Variants in ARHGAP32 observed in about 807,000 individuals in gnomAD.
The protein encoded by ARHGAP32 is rho GTPase-activating protein 32.
A neutral mutation model predicts 186.5 loss-of-function variants in ARHGAP32; 51 were observed. That is an observed-to-expected ratio of 0.27 (90% CI 0.22 to 0.35). The LOEUF (loss-of-function observed/expected upper bound fraction) is 0.35, where lower values mean the gene tolerates loss of function less well. Among genes scored for constraint, ARHGAP32 ranks in the 10% least tolerant of loss-of-function variants. ARHGAP32 has a pLI of 1.00. For synonymous variants in ARHGAP32, 950 were observed against 964.3 expected (o/e 0.99, Z 0.27); for missense variants, 2,186 against 2,623.5 (o/e 0.83, Z 3.64).
chr11:129,211,839 G>A (rs924678642), intron 1 of ARHGAP32, among the ~76,000 whole-genome samples: 11 of 152,146 alleles, frequency 7.2e-5, no homozygotes, highest in Admixed American at 2.0e-4. Context: ...TCAAGTGAAA[G>A]AAATATCATT....
intron 1 of ARHGAP32, among the ~76,000 whole-genome samples, chr11:129,265,605 T>C (rs981669047): frequency 1.3e-5 from 2 of 152,068 alleles, no homozygotes; most frequent in African/African-American, 2.4e-5. Context: ...TGACCACAAT[T>C]TCTGAGGCCC....
upstream of ARHGAP32, among the ~76,000 whole-genome samples, chr11:129,194,662 C>T (rs1034370036): frequency 1.1e-4 from 17 of 151,828 alleles, no homozygotes; most frequent in Admixed American, 7.9e-4. Context: ...AAAAGAAAGA[C>T]ACGCTTGAAC....
chr11:129,270,492 A>C (rs577993761), intron 1 of ARHGAP32, among the ~76,000 whole-genome samples: 87 of 151,832 alleles, frequency 5.7e-4, no homozygotes, highest in Non-Finnish European at 9.0e-4. Context: ...ACCAAGAGTC[A>C]GTCTTTTTTT....
chr11:129,008,203 T>A lies in ARHGAP32; in HGVS notation c.1046-9735A>T, dbSNP rs371536910. Among the ~76,000 whole-genome samples the A allele has an allele frequency of 8.5e-5, 13 of 152,194 alleles. No individual in the cohort carries two copies. In the East Asian group the frequency reaches 1.5e-3, roughly 18 times the overall value. On this transcript the variant is annotated intron_variant, in intron 11 of 22. Transcript: ENST00000682385. ...CAGGTACTATGAGTGCTCACCTGAT[T>A]TTTGGTTTCTTTGAGGGTATTTTTT... is the stretch of plus-strand genomic sequence containing the variant.
chr11:128,972,291 T>C, intron 22 of ARHGAP32, 162 bp downstream of exon 22: 2 of 683,410 alleles, frequency 2.9e-6, no homozygotes, highest in Non-Finnish European at 4.4e-6. Flanking sequence ...ATCAAGGTAA[T>C]GGCAGACTCC....
At chr11:129,211,198 T>A (rs1482291779) in intron 1 of ARHGAP32, among the ~76,000 whole-genome samples, 1 of 152,170 alleles carries the variant, frequency 6.6e-6, no homozygotes, top group East Asian at 1.9e-4. Flanking sequence ...TGTTTTTAAC[T>A]AACTGTTTTA....
chr11:129,017,705 C>T (rs1352098053), intron 11 of ARHGAP32, among the ~76,000 whole-genome samples: 1 of 152,034 alleles, frequency 6.6e-6, no homozygotes, highest in Non-Finnish European at 1.5e-5. Context: ...TGATTCTTCC[C>T]TTCCAATCCT....
At chr11:129,114,183 T>G (rs1028928677) in intron 5 of ARHGAP32, among the ~76,000 whole-genome samples, 5 of 152,104 alleles carry the variant, frequency 3.3e-5, no homozygotes, top group African/African-American at 1.2e-4. Context: ...CAGTTCTTAC[T>G]AAGAAAGCAA....
chr11:129,217,398 C>T (rs912001537), intron 1 of ARHGAP32, among the ~76,000 whole-genome samples: 2 of 152,148 alleles, frequency 1.3e-5, no homozygotes, highest in African/African-American at 2.4e-5. Flanking sequence ...ATAGGTCACC[C>T]TGGGGCCATG....
chr11:129,043,336 G>A (rs1212594669), intron 10 of ARHGAP32, among the ~76,000 whole-genome samples: 1 of 149,776 alleles, frequency 6.7e-6, no homozygotes, highest in Non-Finnish European at 1.5e-5. Context: ...TTCACTTGTG[G>A]TAAAGGCTCT....
intron 1 of ARHGAP32, among the ~76,000 whole-genome samples, chr11:129,234,164 T>C (rs1293896314): frequency 1.3e-5 from 2 of 152,126 alleles, no homozygotes; most frequent in Admixed American, 6.6e-5. Flanking sequence ...AAGAGATTAC[T>C]GACAAACTAT....
At chr11:129,101,702 T>G (rs939937635) in intron 5 of ARHGAP32, among the ~76,000 whole-genome samples, 9 of 151,888 alleles carry the variant, frequency 5.9e-5, no homozygotes, top group Non-Finnish European at 1.3e-4. Context: ...AATATGGGAT[T>G]GTGTAAAGAG....
intron 5 of ARHGAP32, among the ~76,000 whole-genome samples, chr11:129,116,998 C>T (rs1056692448): frequency 1.5e-4 from 23 of 151,892 alleles, no homozygotes; most frequent in African/African-American, 5.6e-4. Flanking sequence ...CGACCAGAGA[C>T]ATTAAGAATT....
intron 1 of ARHGAP32, among the ~76,000 whole-genome samples, chr11:129,241,269 T>A (rs968596039): frequency 1.3e-5 from 2 of 152,238 alleles, no homozygotes; most frequent in Admixed American, 6.5e-5. Flanking sequence ...TAAAACTTCA[T>A]TAAATTTCCT....
chr11:129,027,973 C>G (rs971502850), intron 11 of ARHGAP32, among the ~76,000 whole-genome samples: 3 of 152,124 alleles, frequency 2.0e-5, no homozygotes, highest in Non-Finnish European at 4.4e-5. Flanking sequence ...CCTCTTTACT[C>G]AGGGCAAGAA....
At chr11:129,108,460 C>T (rs1268185982) in intron 5 of ARHGAP32, among the ~76,000 whole-genome samples, 2 of 151,928 alleles carry the variant, frequency 1.3e-5, no homozygotes, top group Non-Finnish European at 2.9e-5. Flanking sequence ...AGGCCCCAAG[C>T]AAAAGAGCAC....
intron 10 of ARHGAP32, among the ~76,000 whole-genome samples, chr11:129,048,863 T>C (rs1335068187): frequency 6.6e-6 from 1 of 152,024 alleles, no homozygotes; most frequent in Admixed American, 6.6e-5. Flanking sequence ...AGAGTAGGCA[T>C]TGTAAGTGGA....
intron 6 of ARHGAP32, among the ~76,000 whole-genome samples, chr11:129,067,487 T>C (rs1300245922): frequency 1.3e-5 from 2 of 152,066 alleles, no homozygotes; most frequent in Non-Finnish European, 2.9e-5. Context: ...TCACTTCTTG[T>C]TCAGTCCTAT....
chr11:128,997,783 T>C (rs1455306796), intron 12 of ARHGAP32, among the ~76,000 whole-genome samples: 1 of 152,292 alleles, frequency 6.6e-6, no homozygotes, highest in East Asian at 1.9e-4. Context: ...GGCACATGCC[T>C]GTAGTCCCAG....
Sources: gnomAD v4.1 joint callset for allele counts (sites outside exome capture counted in the v4.1 genomes callset) on GRCh38, gnomAD v4.1.1 for gene constraint, MANE v1.5 for transcripts, NCBI Gene and HGNC (gene_info 2026-07-23, HGNC 2026-07-21) for gene names.